The following PLCB1 variants were observed in gnomAD, a reference collection of about 807,000 sequenced individuals.
PLCB1 encodes phospholipase C beta 1, also known as 1-phosphatidylinositol 4,5-bisphosphate phosphodiesterase beta-1.
A neutral mutation model predicts 161.8 loss-of-function variants in PLCB1; 46 were observed. That is an observed-to-expected ratio of 0.28 (90% confidence interval 0.22 to 0.36). The LOEUF is 0.36. Among genes scored for constraint, PLCB1 ranks in the 10% least tolerant of loss-of-function variants. PLCB1 has a pLI of 1.00. For missense variants in PLCB1, 1,016 were observed against 1,472.5 expected (o/e 0.69, Z 5.07); for synonymous variants, 517 against 503.7 (o/e 1.03, Z -0.35).
intron 3 of PLCB1, among the ~76,000 whole-genome samples, chr20:8,505,642 G>A (rs1600112827): frequency 6.6e-6 from 1 of 152,198 alleles, no homozygotes; most frequent in African/African-American, 2.4e-5. Context: ...TGCTAGACGT[G>A]TTTGGACAAT....
intron 2 of PLCB1, among the ~76,000 whole-genome samples, chr20:8,332,331 A>G (rs532585403): frequency 8.5e-5 from 13 of 152,348 alleles, no homozygotes; most frequent in African/African-American, 2.2e-4. Context: ...TCAATGACAG[A>G]TTTTATTTGT....
At chr20:8,310,203 T>A (rs1482036133) in intron 2 of PLCB1, among the ~76,000 whole-genome samples, 4 of 152,188 alleles carry the variant, frequency 2.6e-5, no homozygotes, top group Admixed American at 2.0e-4. Flanking sequence ...CCTTTGGAAA[T>A]ATTTTCTTTA....
At chr20:8,656,825 C>T (rs1224938327) in intron 7 of PLCB1, among the ~76,000 whole-genome samples, 8 of 147,690 alleles carry the variant, frequency 5.4e-5, no homozygotes, top group Non-Finnish European at 1.0e-4. Context: ...TTCTGTCAAA[C>T]AGACTATCTT....
intron 3 of PLCB1, among the ~76,000 whole-genome samples, chr20:8,458,057 C>T (rs142238008): frequency 7.5e-4 from 114 of 152,218 alleles, no homozygotes; most frequent in African/African-American, 2.3e-3. Context: ...GTTCCAGGTA[C>T]GCTGTGGCAT....
At chr20:8,371,524 G>T in intron 3 of PLCB1, 74 bp downstream of exon 3, 1 of 1,026,718 alleles carries the variant, frequency 9.7e-7, no homozygotes, top group Non-Finnish European at 1.5e-6. Flanking sequence ...TCAATTAATT[G>T]CCCCAATTAA....
chr20:8,254,451 C>T (rs918477563), intron 2 of PLCB1, among the ~76,000 whole-genome samples: 5 of 151,918 alleles, frequency 3.3e-5, no homozygotes, highest in Admixed American at 3.3e-4. Context: ...GTATCTTCCC[C>T]AAACATTGTT....
intron 12 of PLCB1, among the ~76,000 whole-genome samples, chr20:8,711,061 A>G (rs1401479920): frequency 6.6e-6 from 1 of 152,200 alleles, no homozygotes; most frequent in Non-Finnish European, 1.5e-5. Context: ...CTAAGAGTAA[A>G]TATTATGATT....
chr20:8,367,768 A>ATTAACC (rs1205095054), intron 2 of PLCB1, among the ~76,000 whole-genome samples: 11 of 152,188 alleles, frequency 7.2e-5, no homozygotes, highest in Non-Finnish European at 1.5e-4. Flanking sequence ...TCACGAGAAA[A>ATTAACC]TTAACCTAGA....
chr20:8,200,702 CT>C (rs2052083622), intron 2 of PLCB1, among the ~76,000 whole-genome samples: 1 of 151,938 alleles, frequency 6.6e-6, no homozygotes, highest in East Asian at 1.9e-4. Context: ...TCACCACACA[CT>C]TTTCCAACTG....
intron 3 of PLCB1, among the ~76,000 whole-genome samples, chr20:8,590,757 C>T (rs1316736474): frequency 6.6e-6 from 1 of 152,096 alleles, no homozygotes; most frequent in East Asian, 1.9e-4. Context: ...ATTCCCTCTT[C>T]CACTCTAAAG....
chr20:8,821,501 G>GTATA (rs552044656), intron 31 of PLCB1, among the ~76,000 whole-genome samples: 1 of 42,404 alleles, frequency 2.4e-5, no homozygotes, highest in Non-Finnish European at 4.7e-5. Flanking sequence ...AAAAAAATAT[G>GTATA]TATATATATA....
chr20:8,514,139 T>C (rs1278842207), intron 3 of PLCB1, among the ~76,000 whole-genome samples: 3 of 152,032 alleles, frequency 2.0e-5, no homozygotes, highest in Non-Finnish European at 4.4e-5. Flanking sequence ...TCCCAGGAGT[T>C]TGAAACCAGC....
At chr20:8,498,354 C>T (rs972707085) in intron 3 of PLCB1, among the ~76,000 whole-genome samples, 1 of 152,216 alleles carries the variant, frequency 6.6e-6, no homozygotes, top group Non-Finnish European at 1.5e-5. Context: ...CTCGGCCTCC[C>T]AAAGTTCTGG....
intron 25 of PLCB1, among the ~76,000 whole-genome samples, chr20:8,762,281 C>T (rs763117908): frequency 2.3e-4 from 35 of 151,976 alleles, no homozygotes; most frequent in Non-Finnish European, 4.6e-4. Context: ...CAGCAGTGTT[C>T]CTAGAATGTT....
chr20:8,188,238 T>A (rs2051927510), intron 2 of PLCB1, among the ~76,000 whole-genome samples: 1 of 152,116 alleles, frequency 6.6e-6, no homozygotes, highest in Non-Finnish European at 1.5e-5. Flanking sequence ...ATGGCACAAG[T>A]ACATTTGAAA....
intron 2 of PLCB1, among the ~76,000 whole-genome samples, chr20:8,197,228 C>A (rs2052034389): frequency 6.6e-6 from 1 of 152,096 alleles, no homozygotes; most frequent in African/African-American, 2.4e-5. Flanking sequence ...GTTCTAGATC[C>A]CTGAGGAATC....
chr20:8,376,496 A>C (rs1026446431), intron 3 of PLCB1, among the ~76,000 whole-genome samples: 1 of 152,204 alleles, frequency 6.6e-6, no homozygotes, highest in African/African-American at 2.4e-5. Context: ...GACAGAAGTC[A>C]TTGAGTGACT....
intron 31 of PLCB1, among the ~76,000 whole-genome samples, chr20:8,828,662 C>A (rs2143268): frequency 0.29 from 43,856 of 151,984 alleles, 6,471 homozygotes; most frequent in Middle Eastern, 0.4. Context: ...TCTTCTCTAC[C>A]TATGAAATGA....
At chr20:8,391,785 G>GTATATA (rs374178427) in intron 3 of PLCB1, among the ~76,000 whole-genome samples, 97 of 115,128 alleles carry the variant, frequency 8.4e-4, no homozygotes, top group Middle Eastern at 5.2e-3. Context: ...ATATGTGTGT[G>GTATATA]TATATATATA....
Sources: allele counts gnomAD v4.1 joint callset (sites outside exome capture counted in the v4.1 genomes callset), GRCh38; gene constraint gnomAD v4.1.1; transcripts MANE v1.5; gene names NCBI Gene and HGNC (gene_info 2026-07-23, HGNC 2026-07-21).